EPHA7: variants seen among roughly 807,000 people sequenced by gnomAD.
EPHA7 encodes EPH receptor A7.
A neutral mutation model predicts 112.6 loss-of-function variants in EPHA7; 25 were observed. The ratio of observed to expected loss-of-function variants is 0.22; its 90% CI spans 0.16 to 0.31. The LOEUF is 0.31. Among genes scored for constraint, EPHA7 ranks in the 10% least tolerant of loss-of-function variants. The pLI is 1.00. For missense variants in EPHA7, 962 were observed against 1,212.6 expected (o/e 0.79, Z 3.07); for synonymous variants, 437 against 406.5 (o/e 1.07, Z -0.90).
At chr6:93,405,813 G>GTGTGTGTATA (rs1357089640) in intron 3 of EPHA7, among the ~76,000 whole-genome samples, 2 of 73,984 alleles carry the variant, frequency 2.7e-5, no homozygotes, top group East Asian at 1.2e-3. Flanking sequence ...GTGTGTGTGT[G>GTGTGTGTATA]TATATATATA....
chr6:93,344,675 C>CAAATTTTCA (rs1371212802), intron 5 of EPHA7, among the ~76,000 whole-genome samples: 1 of 151,528 alleles, frequency 6.6e-6, no homozygotes, highest in Non-Finnish European at 1.5e-5. Flanking sequence ...CTCATGGTTC[C>CAAATTTTCA]AAATTTTCAA....
chr6:93,287,233 C>T (rs1442433739), intron 5 of EPHA7, among the ~76,000 whole-genome samples: 1 of 152,132 alleles, frequency 6.6e-6, no homozygotes, highest in African/African-American at 2.4e-5. Flanking sequence ...TAACTCTTTC[C>T]ACCTGCTGGG....
At chr6:93,397,483 A>C (rs113171696) in intron 3 of EPHA7, among the ~76,000 whole-genome samples, 1,534 of 152,026 alleles carry the variant, frequency 0.01, 21 homozygotes, top group African/African-American at 0.034. Context: ...TCTTAATTAT[A>C]TGAATTCTGA....
At chr6:93,389,087 A>C in intron 3 of EPHA7, among the ~76,000 whole-genome samples, 1 of 152,074 alleles carries the variant, frequency 6.6e-6, no homozygotes, top group East Asian at 1.9e-4. Context: ...TTTTGGAGAT[A>C]TTTGGAGAGA....
Position 93,295,745 on chromosome 6 carries a change from ACTAT to A in EPHA7, c.1325-23327_1325-23324del, listed in dbSNP as rs765181384. Among the ~76,000 whole-genome samples, 46 of 151,836 alleles carry A rather than the reference ACTAT, an allele frequency of 3.0e-4. No individual in the cohort carries two copies. The East Asian group carries it at 6.2e-3, about 20-fold the overall frequency. On this transcript the variant is annotated intron_variant, in intron 5 of 16. Transcript: ENST00000369303. Reference sequence around the variant, plus strand: ...ACTGATTTTATCTATCATGTATACTACTATCTATTTTTGTCACCTCTGTTATATA... The same window carrying A: ...ACTGATTTTATCTATCATGTATACTACTATTTTTGTCACCTCTGTTATATA...
intron 3 of EPHA7, among the ~76,000 whole-genome samples, chr6:93,397,014 T>C (rs762316313): frequency 5.9e-5 from 9 of 151,752 alleles, no homozygotes; most frequent in Non-Finnish European, 1.3e-4. Flanking sequence ...GTTACTGTTT[T>C]CATTAAAATT....
At chr6:93,302,868 A>G (rs1191504609) in intron 5 of EPHA7, among the ~76,000 whole-genome samples, 1 of 152,104 alleles carries the variant, frequency 6.6e-6, no homozygotes, top group Admixed American at 6.6e-5. Context: ...AGCACAGAAA[A>G]AAGGGAGAAA....
chr6:93,261,989 G>C (rs1480294968), intron 9 of EPHA7, among the ~76,000 whole-genome samples: 2 of 151,216 alleles, frequency 1.3e-5, no homozygotes, highest in East Asian at 3.9e-4. Context: ...GATCACTGGG[G>C]GATATTTCAA....
chr6:93,299,881 G>C (rs1772883428), intron 5 of EPHA7, among the ~76,000 whole-genome samples: 1 of 152,148 alleles, frequency 6.6e-6, no homozygotes, highest in Non-Finnish European at 1.5e-5. Context: ...GAACAGAAAA[G>C]TGAATACTAC....
At chr6:93,247,165 T>G (rs1769992561) in intron 14 of EPHA7, among the ~76,000 whole-genome samples, 180 bp from the exon 15 acceptor site, 1 of 152,158 alleles carries the variant, frequency 6.6e-6, no homozygotes, top group South Asian at 2.1e-4. Context: ...GTGCGTGAAG[T>G]GCAGGATATG....
chr6:93,312,794 C>G (rs146630737), intron 5 of EPHA7, among the ~76,000 whole-genome samples: 2 of 152,224 alleles, frequency 1.3e-5, no homozygotes, highest in African/African-American at 4.8e-5. Context: ...AGACCTGCAG[C>G]TCTTTCTTGC....
intron 5 of EPHA7, among the ~76,000 whole-genome samples, chr6:93,318,892 A>T (rs903529395): frequency 6.6e-6 from 1 of 152,104 alleles, no homozygotes; most frequent in East Asian, 1.9e-4. Flanking sequence ...AATACAATGA[A>T]TTTTTCTGGC....
intron 1 of EPHA7, among the ~76,000 whole-genome samples, chr6:93,416,739 GCCTAGGACTCCAGGGC>G (rs1267448459): frequency 6.6e-6 from 1 of 152,174 alleles, no homozygotes; most frequent in Non-Finnish European, 1.5e-5. Flanking sequence ...TGGGGGCCAG[GCCTAGGACTCCAGGGC>G]TCCGCGCCCC....
intron 5 of EPHA7, among the ~76,000 whole-genome samples, chr6:93,272,919 A>G (rs1771297210): frequency 6.6e-6 from 1 of 151,948 alleles, no homozygotes; most frequent in Non-Finnish European, 1.5e-5. Context: ...TGGTGTGTGT[A>G]TACTCCCAAA....
At chr6:93,259,881 C>T (rs185656789) in intron 9 of EPHA7, among the ~76,000 whole-genome samples, 4 of 152,012 alleles carry the variant, frequency 2.6e-5, no homozygotes, top group African/African-American at 9.6e-5. Context: ...AATTAATACA[C>T]TGGGAAAAGA....
intron 3 of EPHA7, among the ~76,000 whole-genome samples, chr6:93,380,104 T>A (rs3778468): frequency 0.12 from 17,747 of 151,926 alleles, 1,166 homozygotes; most frequent in East Asian, 0.31. Flanking sequence ...GCAACATTTT[T>A]AAAAAATCCA....
At chr6:93,244,632 AG>A (rs1354098794) in intron 16 of EPHA7, among the ~76,000 whole-genome samples, 5 of 152,096 alleles carry the variant, frequency 3.3e-5, no homozygotes, top group African/African-American at 1.2e-4. Flanking sequence ...TTTAACTTCA[AG>A]TTCATAGAAA....
intron 5 of EPHA7, among the ~76,000 whole-genome samples, chr6:93,338,025 C>A (rs562951700): frequency 2.0e-5 from 3 of 151,808 alleles, no homozygotes. Flanking sequence ...AGGGAGAGAA[C>A]AAAAGGGAGA....
intron 5 of EPHA7, among the ~76,000 whole-genome samples, chr6:93,286,680 T>A (rs1011221721): frequency 2.0e-5 from 3 of 152,180 alleles, no homozygotes; most frequent in African/African-American, 7.2e-5. Context: ...ATAATGTTTT[T>A]AAACTGGGGC....
Sources: gnomAD v4.1 joint callset for allele counts (sites outside exome capture counted in the v4.1 genomes callset) on GRCh38, gnomAD v4.1.1 for gene constraint, MANE v1.5 for transcripts, NCBI Gene and HGNC (gene_info 2026-07-23, HGNC 2026-07-21) for gene names.